Variants in TIAL1 observed in about 807,000 individuals in gnomAD.
TIAL1 encodes the protein nucleolysin TIAR.
Under a neutral mutation model 59.7 loss-of-function variants are expected in TIAL1, and 7 were observed. That is an observed-to-expected ratio of 0.12 (90% confidence interval 0.07 to 0.22). TIAL1 has a LOEUF of 0.22. Ranked by LOEUF, TIAL1 falls within the 10% of genes least tolerant of loss-of-function variation. TIAL1 has a pLI of 1.00. For synonymous variants in TIAL1, 149 were observed against 146.3 expected (o/e 1.02, Z -0.13); for missense variants, 225 against 462.5 (o/e 0.49, Z 4.71).
intron 11 of TIAL1, among the ~76,000 whole-genome samples, chr10:119,576,095 A>T (rs1844977758): frequency 6.6e-6 from 1 of 152,078 alleles, no homozygotes; most frequent in Non-Finnish European, 1.5e-5. Flanking sequence ...AATTTTAAAA[A>T]CAAGTTCATG....
chr10:119,595,129 C>T (rs1846095402), intron 1 of TIAL1, among the ~76,000 whole-genome samples: 1 of 152,068 alleles, frequency 6.6e-6, no homozygotes, highest in Admixed American at 6.6e-5. Context: ...CAAGGCCACA[C>T]CAAAAAAATC....
chr10:119,580,277 C>T (rs1256799812), intron 5 of TIAL1: 2 of 384,430 alleles, frequency 5.2e-6, no homozygotes, highest in African/African-American at 4.2e-5. Flanking sequence ...TTAATAGGAA[C>T]AACAGTTTCC....
In TIAL1 at chr10:119,574,397, G is replaced by C. The variant is rs1040721084; in HGVS notation, c.*1268C>G. On this transcript the variant is annotated 3_prime_UTR_variant, in exon 12 of 12. Transcript: ENST00000436547. ...TAAACTGAATATCCAATTATAAATT[G>C]GTACATTGAAGTGTCTAAATAAGAT... The C allele has an allele frequency of 6.6e-6, 1 of 151,894 alleles. No individual in the cohort carries two copies. The highest frequency in any genetic ancestry group is 1.5e-5 in the Non-Finnish European group (1 of 67,938). The allele number at this position is 151,894 out of a possible 1,614,324, so 9.4% of individuals were successfully genotyped here.
chr10:119,577,905 C>A (rs1380012875), intron 7 of TIAL1, among the ~76,000 whole-genome samples, 169 bp from the exon 8 acceptor site: 1 of 152,124 alleles, frequency 6.6e-6, no homozygotes, highest in Non-Finnish European at 1.5e-5. Context: ...GCCTGGCCAA[C>A]ATGACGAAAT....
At position 119,582,424 on chromosome 10, in the gene TIAL1, T is replaced by C. The variant is rs1362604001; in HGVS notation, c.228+35A>G. 3.2e-6 allele frequency: 5 copies of C among 1,556,706 alleles called. No individual in the cohort carries two copies. The highest frequency in any genetic ancestry group is 4.3e-6 in the Non-Finnish European group (5 of 1,158,756). On this transcript the variant is annotated intron_variant, in intron 3 of 11. Coordinates refer to ENST00000436547, the MANE Select transcript of TIAL1 (RefSeq NM_003252.4). This position sits in a 1 kb window ranked among gnomAD's most constrained non-coding sequence, Gnocchi z 5.1. ...CAAACTAGTTTGACATGCAAATATA[T>C]GTACTCATAAGGTGCCATCATCCTA...
In TIAL1 at chr10:119,576,802, T is replaced by C. The variant is rs766314758; in HGVS notation, c.862-52A>G. 2.5e-6 allele frequency: 4 copies of C among 1,598,116 alleles called. No homozygotes were observed. In the South Asian group the frequency reaches 4.5e-5, roughly 18 times the overall value. On this transcript the variant is annotated intron_variant, in intron 10 of 11. Transcript: ENST00000436547. Reference sequence around the variant, plus strand: ...GGGAACACATAAGAAACACCGTATATGAAGAAAGAGTGGGAGACAAGGAAG... The same window carrying C: ...GGGAACACATAAGAAACACCGTATACGAAGAAAGAGTGGGAGACAAGGAAG...
intron 8 of TIAL1, 45 bp downstream of exon 8, chr10:119,577,596 A>G: frequency 6.2e-7 from 1 of 1,606,978 alleles, no homozygotes; most frequent in Non-Finnish European, 8.5e-7. Context: ...TCATATGAAC[A>G]GTGATGAAGC....
At chr10:119,588,710 AAAGT>A (rs1207257389) in intron 1 of TIAL1, among the ~76,000 whole-genome samples, 1 of 152,206 alleles carries the variant, frequency 6.6e-6, no homozygotes. Context: ...TGATCCTATG[AAAGT>A]AAGATTAACC....
chr10:119,589,325 C>T (rs1292975672), intron 1 of TIAL1, among the ~76,000 whole-genome samples: 1 of 152,190 alleles, frequency 6.6e-6, no homozygotes, highest in Non-Finnish European at 1.5e-5. Flanking sequence ...CCTGCCTCAG[C>T]CTCCCAGGTA....
Position 119,577,734 on chromosome 10 carries a change from T to G in TIAL1, c.559A>C (p.Asn187His). The G allele has an allele frequency of 6.2e-7, 1 of 1,613,104 alleles. No individual in the cohort carries two copies. The highest frequency in any genetic ancestry group is 8.5e-7 in the Non-Finnish European group (1 of 1,179,068). ...PPAPKSTQEN[N>H]TKQLRFEDVV... ...TCTTCAAATCTCAACTGCTTAGTGTTGTCTGTATGCAGAAACAAAACAAAA... is the reference window on the plus strand; with the variant it reads ...TCTTCAAATCTCAACTGCTTAGTGTGGTCTGTATGCAGAAACAAAACAAAA... Residue 187 changes from asparagine (N) to histidine (H), a missense_variant and splice_region_variant, in exon 8 of 12, where the codon AAC becomes CAC. This residue lies in a region of TIAL1 where 80 missense variants were observed against 158.8 expected (regional missense o/e 0.50). Transcript: ENST00000436547.
chr10:119,580,042 G>A, intron 5 of TIAL1, 32 bp from the exon 6 acceptor site: 2 of 1,546,530 alleles, frequency 1.3e-6, no homozygotes, highest in Non-Finnish European at 1.8e-6. Context: ...AATGAGGGAA[G>A]TAAGAGCCAC....
rs1845010478 is a variant in TIAL1 at position 119,576,698 on chromosome 10, T to G, written c.914A>C (p.Gln305Pro). The change falls in exon 11 of 12, where the codon CAG becomes CCG. Residue 305 changes from glutamine to proline, a missense_variant. Physicochemically the swap from Gln to Pro is moderately conservative, Grantham distance 76 (BLOSUM62 -1). Transcript: ENST00000436547. ...CCCATTTGCCATATACTGTCCATAC[T>G]GTTGTGGGTTTCCATACACTTGGCT... ...QWSQVYGNPQ[Q>P]YGQYMANGWQ... is the part of the protein sequence containing the mutation. 4 of 1,614,178 alleles carry G rather than the reference T, an allele frequency of 2.5e-6. No homozygotes were observed. The highest frequency in any genetic ancestry group is 3.4e-6 in the Non-Finnish European group (4 of 1,180,020).
At chr10:119,593,873 A>C (rs1846012927) in intron 1 of TIAL1, among the ~76,000 whole-genome samples, 3 of 152,228 alleles carry the variant, frequency 2.0e-5, no homozygotes, top group Admixed American at 6.5e-5. Flanking sequence ...AATATATAAA[A>C]GTCAACAGAC....
chr10:119,578,884 G>A, intron 6 of TIAL1, 50 bp from the exon 7 acceptor site: 1 of 1,404,624 alleles, frequency 7.1e-7, no homozygotes, highest in Non-Finnish European at 1.0e-6. Flanking sequence ...TGATAAATAA[G>A]ACTCTGTAAG....
chr10:119,589,454 C>A (rs751207826), intron 1 of TIAL1, among the ~76,000 whole-genome samples: 5 of 152,178 alleles, frequency 3.3e-5, no homozygotes, highest in Admixed American at 1.3e-4. Context: ...GATCCACCTG[C>A]CTGAGTCTCC....
rs754051040 is a variant in TIAL1, at chr10:119,582,402, A to T, written c.228+57T>A. ...AAAAATTTGCCTAGAAAGAATACAA[A>T]CTAGTTTGACATGCAAATATATGTA... On this transcript the variant is annotated intron_variant, in intron 3 of 11. Coordinates refer to ENST00000436547, the MANE Select transcript of TIAL1 (RefSeq NM_003252.4). This position sits in a 1 kb window ranked among gnomAD's most constrained non-coding sequence, Gnocchi z 5.1. 7.5e-5 allele frequency: 114 copies of T among 1,529,984 alleles called. No homozygotes were observed. The highest frequency in any genetic ancestry group is 9.3e-5 in the Non-Finnish European group (106 of 1,145,136). The allele number at this position is 1,529,984 out of a possible 1,614,324, so 94.8% of individuals were successfully genotyped here.
Position 119,576,736 on chromosome 10 carries a change from T to G in TIAL1, c.876A>C (p.Gln292His), listed in dbSNP as rs12356865. 3 of 1,613,764 alleles carry G rather than the reference T, an allele frequency of 1.9e-6. No homozygotes were observed. The highest frequency in any genetic ancestry group is 3.3e-5 in the Admixed American group (2 of 59,916). ...TKNFQQVDYSQWGQWSQVYGN... is the reference protein window; with the variant it reads ...TKNFQQVDYSHWGQWSQVYGN... ...CATACACTTGGCTCCATTGGCCCCA[T>G]TGACTATAGTCAACCTAGGAAAAAG... The change falls in exon 11 of 12, where the codon CAA (glutamine) becomes CAC (histidine). Residue 292 changes from glutamine (Q) to histidine (H), a missense_variant. Physicochemically the swap from Gln to His is conservative, Grantham distance 24 (BLOSUM62 0). Around this residue, in one of 4 missense-constraint regions of TIAL1, gnomAD observed 80 missense variants for 158.8 expected, o/e 0.50. Transcript: ENST00000436547.
chr10:119,588,097 A>T, intron 2 of TIAL1, 55 bp downstream of exon 2: 1 of 1,064,634 alleles, frequency 9.4e-7, no homozygotes, highest in South Asian at 2.1e-5. Flanking sequence ...TTTTAAAATC[A>T]TGCTAATCAA....
Position 119,582,610 on chromosome 10 carries a change from T to G in TIAL1, c.130-53A>C. 1.3e-6 allele frequency: 2 copies of G among 1,594,180 alleles called. No homozygotes were observed. The highest frequency in any genetic ancestry group is 2.3e-5 in the South Asian group (2 of 87,608). ...GTTGACCCTTCTGCTATCGGGTTGC[T>G]GAGAAGAAAATCCAGGAAAAAACAT... is the stretch of plus-strand genomic sequence containing the variant. On this transcript the variant is annotated intron_variant, in intron 2 of 11. Coordinates refer to ENST00000436547, the MANE Select transcript of TIAL1 (RefSeq NM_003252.4). This position sits in a 1 kb window ranked among gnomAD's most constrained non-coding sequence, Gnocchi z 5.1.
Sources: gnomAD v4.1 joint callset for allele counts (sites outside exome capture counted in the v4.1 genomes callset) on GRCh38, gnomAD v4.1.1 for gene constraint, gnomAD v4.1.1 regional missense constraint, Gnocchi (gnomAD v3.1) non-coding constraint, MANE v1.5 for transcripts, NCBI Gene and HGNC (gene_info 2026-07-23, HGNC 2026-07-21) for gene names.